DNAI7: variants seen among roughly 807,000 people sequenced by gnomAD.
The protein encoded by DNAI7 is dynein axonemal intermediate chain 7.
In DNAI7, 78 loss-of-function variants were observed where a neutral mutation model predicts 86.6. The ratio of observed to expected loss-of-function variants is 0.90; its 90% CI spans 0.75 to 1.09. DNAI7 has a LOEUF of 1.09. DNAI7 is among the 50% of genes least tolerant of loss of function. DNAI7 has a pLI of 0.00. For missense variants in DNAI7, 753 were observed against 810.2 expected (o/e 0.93, Z 0.86); for synonymous variants, 274 against 273.0 (o/e 1.00, Z -0.04).
At position 25,108,475 on chromosome 12, in the gene DNAI7, A is replaced by G. The variant is rs1949409116; in HGVS notation, c.*73T>C. The G allele has an allele frequency of 2.3e-6, 3 of 1,277,618 alleles. No homozygotes were observed. In the Admixed American group the frequency reaches 7.2e-5, roughly 31 times the overall value. The allele number at this position is 1,277,618 out of a possible 1,614,324, so 79.1% of individuals were successfully genotyped here. On this transcript the variant is annotated 3_prime_UTR_variant, in exon 16 of 16. Coordinates refer to ENST00000395987, the MANE Select transcript of DNAI7 (RefSeq NM_018272.5). Reference sequence around the variant, plus strand: ...TGAAATGTATTCATTCACTCATTACATTGTGTTGCAGAAATACCTGTCTTT... The same window carrying G: ...TGAAATGTATTCATTCACTCATTACGTTGTGTTGCAGAAATACCTGTCTTT...
At chr12:25,142,137 A>G (rs1944265246) in intron 9 of DNAI7, among the ~76,000 whole-genome samples, 1 of 152,246 alleles carries the variant, frequency 6.6e-6, no homozygotes, top group Non-Finnish European at 1.5e-5. Flanking sequence ...AAAATGAGGT[A>G]TATGTGTACC....
intron 12 of DNAI7, among the ~76,000 whole-genome samples, chr12:25,115,401 C>T (rs1225456941): frequency 1.3e-5 from 2 of 152,284 alleles, no homozygotes; most frequent in African/African-American, 4.8e-5. Context: ...TGTCCATTTA[C>T]AGTTAATTCC....
At chr12:25,116,076 A>C (rs919516522) in intron 12 of DNAI7, among the ~76,000 whole-genome samples, 34 of 130,246 alleles carry the variant, frequency 2.6e-4, no homozygotes, top group Non-Finnish European at 4.7e-4. Flanking sequence ...TTATCTCTGT[A>C]TTTCTTTCTT....
At chr12:25,124,398 T>C (rs1445045996) in intron 9 of DNAI7, among the ~76,000 whole-genome samples, 2 of 152,106 alleles carry the variant, frequency 1.3e-5, no homozygotes, top group Non-Finnish European at 2.9e-5. Flanking sequence ...GTAGTGGCAT[T>C]GCTAGACACT....
intron 7 of DNAI7, among the ~76,000 whole-genome samples, chr12:25,148,153 A>T (rs1592421912): frequency 6.6e-6 from 1 of 152,136 alleles, no homozygotes; most frequent in East Asian, 1.9e-4. Context: ...TGTTCAGGAC[A>T]ATTGTCTTGT....
rs369253749 is a variant in DNAI7 at position 25,120,317 on chromosome 12, G to GGAGAGAGAGAGAGAGAGAGAGAGA, written c.1240-1040_1240-1017dup. On this transcript the variant is annotated intron_variant, in intron 11 of 15. Coordinates refer to ENST00000395987, the MANE Select transcript of DNAI7 (RefSeq NM_018272.5). ...AGAAGAGAGAGAGAGGCAGGAAGAGGGAGAGAGAGAGAGAGAGAGAGAGAG... is the reference window on the plus strand; with the variant it reads ...AGAAGAGAGAGAGAGGCAGGAAGAGGGAGAGAGAGAGAGAGAGAGAGAGAGAGAGAGAGAGAGAGAGAGAGAGAG... 2.3e-3 allele frequency among the ~76,000 whole-genome samples: 185 copies of GGAGAGAGAGAGAGAGAGAGAGAGA among 80,752 alleles called. 19 individuals carry two copies. The highest frequency in any genetic ancestry group is 0.013 in the East Asian group (15 of 1,148). The allele number at this position is 80,752 out of a possible 152,430, so 53.0% of individuals were successfully genotyped here.
chr12:25,120,591 T>A (rs1203935123), intron 11 of DNAI7, among the ~76,000 whole-genome samples: 1 of 150,098 alleles, frequency 6.7e-6, no homozygotes, highest in African/African-American at 2.4e-5. Context: ...CCGGGCGTGG[T>A]AGCGGGCGCC....
chr12:25,122,974 T>G (rs1455879292), intron 10 of DNAI7, among the ~76,000 whole-genome samples: 5 of 152,196 alleles, frequency 3.3e-5, no homozygotes, highest in African/African-American at 1.2e-4. Flanking sequence ...AAAAAGTAAT[T>G]CTCAACAAAA....
intron 9 of DNAI7, among the ~76,000 whole-genome samples, chr12:25,141,754 T>TG (rs1303468874): frequency 6.6e-6 from 1 of 151,828 alleles, no homozygotes; most frequent in Admixed American, 6.6e-5. Context: ...TGCTTGAACC[T>TG]GGGAGGTGGA....
At chr12:25,143,317 C>T (rs1162075189) in intron 9 of DNAI7, among the ~76,000 whole-genome samples, 5 of 149,184 alleles carry the variant, frequency 3.4e-5, no homozygotes, top group South Asian at 2.1e-4. Context: ...GGCATGATCT[C>T]GGCTCACTGC....
At chr12:25,167,044 C>G (rs556631381) in intron 2 of DNAI7, among the ~76,000 whole-genome samples, 11 of 152,276 alleles carry the variant, frequency 7.2e-5, no homozygotes, top group African/African-American at 2.4e-4. Flanking sequence ...ATGACTGTAT[C>G]TCTCTGATCC....
rs1246293021 is a variant in DNAI7 at position 25,174,489 on chromosome 12, C to CATATATATCATATATATGGGAT, written c.22-13293_22-13292insATCCCATATATATGATATATAT. Among the ~76,000 whole-genome samples, 5 of 14,086 alleles carry CATATATATCATATATATGGGAT rather than the reference C, an allele frequency of 3.5e-4. 1 individual carries two copies. In the East Asian group the frequency reaches 4.7e-3, roughly 13 times the overall value. 9.2% of individuals were successfully genotyped at this position (14,086 alleles called of 152,430 possible). A position where few individuals can be genotyped will look rare whatever the true frequency, so the allele number is the denominator to read the frequency against. On this transcript the variant is annotated intron_variant, in intron 2 of 15. Transcript: ENST00000395987. Reference sequence around the variant, plus strand: ...TATCATATATATGGGATATATATATCATATATCCCATATATATGGGATATA... The same window carrying CATATATATCATATATATGGGAT: ...TATCATATATATGGGATATATATATCATATATATCATATATATGGGATATATATCCCATATATATGGGATATA...
intron 2 of DNAI7, among the ~76,000 whole-genome samples, chr12:25,175,847 A>G (rs1188851752): frequency 2.0e-5 from 3 of 151,580 alleles, no homozygotes; most frequent in African/African-American, 7.3e-5. Flanking sequence ...TGGGAGGCTG[A>G]GGTGGGCAGA....
chr12:25,108,841 T>TAAAAAAAAAAAA lies in DNAI7; in HGVS notation c.1894-19_1894-18insTTTTTTTTTTTT, dbSNP rs1949501051. The TAAAAAAAAAAAA allele has an allele frequency of 3.2e-6, 1 of 310,450 alleles. No individual in the cohort carries two copies. The highest frequency in any genetic ancestry group is 1.0e-4 in the African/African-American group (1 of 9,828). The allele number at this position is 310,450 out of a possible 1,614,324, so 19.2% of individuals were successfully genotyped here. A position where few individuals can be genotyped will look rare whatever the true frequency, so the allele number is the denominator to read the frequency against. On this transcript the variant is annotated intron_variant, in intron 15 of 15. Transcript: ENST00000395987. ...TCCCTCACCTAAAAAAAAAAAAAAT[T>TAAAAAAAAAAAA]CAAGCAAGTTGTTAATAATTCCTCT...
chr12:25,191,092 A>T, intron 1 of DNAI7, among the ~76,000 whole-genome samples: 1 of 152,162 alleles, frequency 6.6e-6, no homozygotes, highest in Admixed American at 6.5e-5. Context: ...TAGATTGATG[A>T]TTTTTATAGA....
chr12:25,107,708 C>T, downstream of DNAI7: 1 of 989,928 alleles, frequency 1.0e-6, no homozygotes, highest in Non-Finnish European at 1.5e-6. Context: ...GATTAAAAGG[C>T]AGTTTTGGGG....
At chr12:25,172,858 C>T (rs926713074) in intron 2 of DNAI7, among the ~76,000 whole-genome samples, 25 of 152,106 alleles carry the variant, frequency 1.6e-4, no homozygotes, top group Non-Finnish European at 8.8e-5. Flanking sequence ...GGGGAAAGGA[C>T]ATCCTTTTCA....
chr12:25,132,153 C>G (rs575149336), intron 9 of DNAI7, among the ~76,000 whole-genome samples: 1 of 152,098 alleles, frequency 6.6e-6, no homozygotes, highest in East Asian at 1.9e-4. Flanking sequence ...GGAAATACAT[C>G]GTTTCATTTC....
At chr12:25,192,096 A>C (rs1386859209) in intron 1 of DNAI7, among the ~76,000 whole-genome samples, 2 of 152,266 alleles carry the variant, frequency 1.3e-5, no homozygotes, top group Non-Finnish European at 2.9e-5. Context: ...ATTTACACAC[A>C]AGGCAATCTG....
Sources: gnomAD v4.1 joint callset for allele counts (sites outside exome capture counted in the v4.1 genomes callset) on GRCh38, gnomAD v4.1.1 for gene constraint, MANE v1.5 for transcripts, NCBI Gene and HGNC (gene_info 2026-07-23, HGNC 2026-07-21) for gene names.